DLGAP2: variants seen among roughly 807,000 people sequenced by gnomAD.
The protein encoded by DLGAP2 is disks large-associated protein 2.
A neutral mutation model predicts 100.3 loss-of-function variants in DLGAP2; 26 were observed. The ratio of observed to expected loss-of-function variants is 0.26; its 90% CI spans 0.19 to 0.36. DLGAP2 has a LOEUF of 0.36. Ranked by LOEUF, DLGAP2 falls within the 10% of genes least tolerant of loss-of-function variation. The pLI is 1.00. For missense variants in DLGAP2, 1,858 were observed against 1,453.2 expected (o/e 1.28, Z -4.53); for synonymous variants, 886 against 630.1 (o/e 1.41, Z -6.08).
At chr8:826,808 C>G (rs1400750399) in intron 1 of DLGAP2, among the ~76,000 whole-genome samples, 3 of 152,158 alleles carry the variant, frequency 2.0e-5, no homozygotes, top group Non-Finnish European at 2.9e-5. Context: ...GGGATTTCTT[C>G]TTAGACCTTT....
chr8:1,517,780 C>T (rs1411126754), intron 4 of DLGAP2, among the ~76,000 whole-genome samples: 1 of 152,194 alleles, frequency 6.6e-6, no homozygotes, highest in Non-Finnish European at 1.5e-5. Flanking sequence ...TGTCCAGCTG[C>T]TTGTTGGATT....
chr8:1,042,713 T>G, intron 2 of DLGAP2, among the ~76,000 whole-genome samples: 1 of 149,880 alleles, frequency 6.7e-6, no homozygotes. Flanking sequence ...CGGTGGTGGG[T>G]GTGGGTGGTG....
chr8:1,043,254 T>TGTGGGTGGTGGATGTGGGTGGTGGAC (rs1368582232), intron 2 of DLGAP2, among the ~76,000 whole-genome samples: 1 of 79,382 alleles, frequency 1.3e-5, no homozygotes, highest in Non-Finnish European at 2.5e-5. Context: ...GGGTGGTGGG[T>TGTGGGTGGTGGATGTGGGTGGTGGAC]GTGGGTGGTG....
chr8:1,037,255 C>T (rs1481942715), intron 2 of DLGAP2, among the ~76,000 whole-genome samples: 1 of 152,158 alleles, frequency 6.6e-6, no homozygotes, highest in Non-Finnish European at 1.5e-5. Flanking sequence ...TCCCTCGGGC[C>T]TTTCTCTCTC....
At chr8:1,473,946 C>T (rs772733355) in intron 3 of DLGAP2, among the ~76,000 whole-genome samples, 1 of 152,140 alleles carries the variant, frequency 6.6e-6, no homozygotes, top group Admixed American at 6.5e-5. Context: ...TGTAAATTAC[C>T]CAGTCTTGTA....
In DLGAP2 at chr8:1,670,749, A is replaced by G. The variant is rs1269543439; in HGVS notation, c.2202+965A>G. 2.0e-5 allele frequency among the ~76,000 whole-genome samples: 3 copies of G among 152,220 alleles called. No homozygotes were observed. The East Asian group carries it at 5.8e-4, about 29-fold the overall frequency. On this transcript the variant is annotated intron_variant, in intron 10 of 14. Transcript: ENST00000637795. The stretch of plus-strand genomic sequence containing the variant: ...GCATCCTGTGAGCTGGCGGTCTCAC[A>G]ATTATCCAAAGGAAGTGAATTGAAA...
chr8:1,126,250 A>AT (rs920574964), intron 2 of DLGAP2, among the ~76,000 whole-genome samples: 6 of 152,302 alleles, frequency 3.9e-5, no homozygotes, highest in African/African-American at 9.6e-5. Context: ...AAATAGGTTG[A>AT]TTTTTTTAAG....
At chr8:1,365,947 C>T (rs1342111066) in intron 3 of DLGAP2, among the ~76,000 whole-genome samples, 1 of 152,228 alleles carries the variant, frequency 6.6e-6, no homozygotes, top group African/African-American at 2.4e-5. Context: ...CTTCACGTCT[C>T]TTTGTGGAGA....
chr8:1,238,645 T>A (rs1798719517), intron 2 of DLGAP2, among the ~76,000 whole-genome samples: 1 of 121,552 alleles, frequency 8.2e-6, no homozygotes, highest in African/African-American at 3.0e-5. Context: ...TAGTTACCTC[T>A]CACATGGTGC....
chr8:789,430 C>A (rs1446867797), intron 1 of DLGAP2, among the ~76,000 whole-genome samples: 1 of 152,172 alleles, frequency 6.6e-6, no homozygotes, highest in Non-Finnish European at 1.5e-5. Flanking sequence ...ATCACAAGAA[C>A]AGCAAGGGGA....
intron 3 of DLGAP2, among the ~76,000 whole-genome samples, chr8:1,413,261 T>G (rs1251034370): frequency 1.3e-5 from 2 of 152,038 alleles, no homozygotes; most frequent in Non-Finnish European, 2.9e-5. Flanking sequence ...TTAAAGTAAA[T>G]AAAGGAAGAA....
intron 3 of DLGAP2, among the ~76,000 whole-genome samples, chr8:1,358,335 C>T (rs999651634): frequency 6.6e-6 from 1 of 152,084 alleles, no homozygotes; most frequent in Non-Finnish European, 1.5e-5. Context: ...CAGGTTCAAT[C>T]GTAGATTACG....
At chr8:895,293 C>G (rs1373189020) in intron 1 of DLGAP2, among the ~76,000 whole-genome samples, 1 of 152,108 alleles carries the variant, frequency 6.6e-6, no homozygotes, top group Non-Finnish European at 1.5e-5. Flanking sequence ...TATACACAGT[C>G]ATTATATGTC....
intron 1 of DLGAP2, among the ~76,000 whole-genome samples, chr8:867,859 T>A (rs1027887023): frequency 2.6e-5 from 4 of 152,238 alleles, no homozygotes; most frequent in Non-Finnish European, 5.9e-5. Context: ...GTGTGTTTAG[T>A]TTTCCACGTA....
At chr8:1,270,830 G>T (rs975099247) in intron 3 of DLGAP2, among the ~76,000 whole-genome samples, 1 of 151,812 alleles carries the variant, frequency 6.6e-6, no homozygotes, top group East Asian at 1.9e-4. Flanking sequence ...CTACCTCTCT[G>T]TGTGTGTGTC....
intron 1 of DLGAP2, among the ~76,000 whole-genome samples, chr8:845,730 T>C (rs1374098653): frequency 6.6e-6 from 1 of 152,252 alleles, no homozygotes; most frequent in Admixed American, 6.5e-5. Flanking sequence ...TAAGATACCA[T>C]TGCCTAATCA....
At chr8:1,439,636 G>A (rs1161536171) in intron 3 of DLGAP2, among the ~76,000 whole-genome samples, 2 of 152,142 alleles carry the variant, frequency 1.3e-5, no homozygotes, top group Non-Finnish European at 1.5e-5. Context: ...GCAGAAGGAC[G>A]GAGTGCGCAG....
chr8:745,534 TA>T (rs963426669), intron 1 of DLGAP2, among the ~76,000 whole-genome samples: 1 of 152,300 alleles, frequency 6.6e-6, no homozygotes, highest in East Asian at 1.9e-4. Flanking sequence ...CACTCAATTT[TA>T]AAAAAACTCT....
chr8:1,102,832 G>A (rs887040752), intron 2 of DLGAP2, among the ~76,000 whole-genome samples: 2 of 152,106 alleles, frequency 1.3e-5, no homozygotes, highest in African/African-American at 4.8e-5. Context: ...GAAAATGTGC[G>A]TGGGGCCTTG....
Sources: allele counts gnomAD v4.1 joint callset (sites outside exome capture counted in the v4.1 genomes callset), GRCh38; gene constraint gnomAD v4.1.1; transcripts MANE v1.5; gene names NCBI Gene and HGNC (gene_info 2026-07-23, HGNC 2026-07-21).